Variants in LRCH2 observed in about 807,000 individuals in gnomAD.
LRCH2 encodes the protein leucine rich repeats and calponin homology domain containing 2.
In LRCH2, 38 loss-of-function variants were observed where a neutral mutation model predicts 68.9. That is an observed-to-expected ratio of 0.55 (90% CI 0.43 to 0.72). The LOEUF (loss-of-function observed/expected upper bound fraction) is 0.72. LRCH2 is among the 30% of genes least tolerant of loss of function. LRCH2 has a pLI of 0.00. For missense variants in LRCH2, 528 were observed against 572.9 expected (o/e 0.92, Z 0.80); for synonymous variants, 191 against 208.1 (o/e 0.92, Z 0.71).
At chrX:115,198,033 CTTTTTTTT>C (rs55636329) in intron 1 of LRCH2, among the ~76,000 whole-genome samples, 2 of 80,283 alleles carry the variant, frequency 2.5e-5, no homozygotes, top group African/African-American at 9.3e-5. Context: ...AAAGCTTTTT[CTTTTTTTT>C]TTTTTTTGAA....
At chrX:115,120,003 T>C (rs782377016) in intron 20 of LRCH2, among the ~76,000 whole-genome samples, 1 of 110,926 alleles carries the variant, frequency 9.0e-6, no homozygotes, top group East Asian at 2.8e-4. Flanking sequence ...TCCTTACACC[T>C]TATAAAAAAA....
At chrX:115,219,440 G>T (rs2073064083) in intron 1 of LRCH2, among the ~76,000 whole-genome samples, 1 of 110,769 alleles carries the variant, frequency 9.0e-6, no homozygotes, top group African/African-American at 3.3e-5. Context: ...AATCCCATTT[G>T]TTTACATTAA....
Position 115,150,029 on chromosome X carries a change from G to T in LRCH2, c.1571C>A (p.Thr524Asn), listed in dbSNP as rs1556537889. 1 of 1,172,655 alleles carries T rather than the reference G, an allele frequency of 8.5e-7. No homozygotes were observed. Among genetic ancestry groups the T allele is most frequent in the Non-Finnish European group, 1.1e-6 (1 of 873,850 alleles). The change falls in exon 13 of 21, where the codon ACC becomes AAC. Residue 524 changes from threonine (T) to asparagine (N), a missense_variant. By Grantham distance (65) the Thr-to-Asn change is moderately conservative (BLOSUM62 0). Coordinates refer to ENST00000317135, the MANE Select transcript of LRCH2 (RefSeq NM_020871.4). The part of the protein sequence containing the change: ...DEVNSPLSPL[T>N]WQPLENQKDQ... ...AATTTAATTTCTTCTTACCTGCCAGGTGAGGGGTGATAATGGTGAATTAAC... is the reference window on the plus strand; with the variant it reads ...AATTTAATTTCTTCTTACCTGCCAGTTGAGGGGTGATAATGGTGAATTAAC...
In LRCH2 at chrX:115,130,202, GA is replaced by G; in HGVS notation, c.1696-4del. ...GAACTCTTCCTCATTGATTTATACTGAAAAATATTTAAAACACATAATTTAT... is the reference window on the plus strand; with the variant it reads ...GAACTCTTCCTCATTGATTTATACTGAAAATATTTAAAACACATAATTTAT... On this transcript the variant is annotated splice_region_variant and splice_polypyrimidine_tract_variant and intron_variant, in intron 14 of 20. Coordinates refer to ENST00000317135, the MANE Select transcript of LRCH2 (RefSeq NM_020871.4). 2.0e-6 allele frequency: 2 copies of G among 987,328 alleles called. No individual in the cohort carries two copies. The highest frequency in any genetic ancestry group is 2.8e-5 in the Admixed American group (1 of 35,101). The allele number at this position is 987,328 out of a possible 1,213,427, so 81.4% of individuals were successfully genotyped here.
In LRCH2 at chrX:115,165,846, T is replaced by C. The variant is rs2072555254; in HGVS notation, c.1193A>G (p.Gln398Arg). 2 of 1,141,519 alleles carry C rather than the reference T, an allele frequency of 1.8e-6. No individual in the cohort carries two copies. Among genetic ancestry groups the C allele is most frequent in the Non-Finnish European group, 2.3e-6 (2 of 853,505 alleles). The allele number at this position is 1,141,519 out of a possible 1,213,427, so 94.1% of individuals were successfully genotyped here. Reference sequence around the variant, plus strand: ...GCAGGTACCATATGAATTACCTTTCTGAGAATCAGTCTTACTTCCTATTAT... The same window carrying C: ...GCAGGTACCATATGAATTACCTTTCCGAGAATCAGTCTTACTTCCTATTAT... ...SHIIGSKTDS[Q>R]KDQEVYDFVD... Residue 398 changes from glutamine (Q) to arginine (R), a missense_variant, in exon 8 of 21, where the codon CAG becomes CGG. Transcript: ENST00000317135.
At chrX:115,156,522 C>T (rs1201687444) in intron 12 of LRCH2, 80 bp downstream of exon 12, 4 of 547,744 alleles carry the variant, frequency 7.3e-6, no homozygotes, top group African/African-American at 2.5e-5. Context: ...TTAATTAAAG[C>T]CTATATACAA....
At chrX:115,136,799 A>G (rs2072294048) in intron 14 of LRCH2, among the ~76,000 whole-genome samples, 1 of 112,421 alleles carries the variant, frequency 8.9e-6, no homozygotes, top group African/African-American at 3.2e-5. Flanking sequence ...ACTTTATCTT[A>G]TTGGTAATGG....
At chrX:115,153,234 G>A (rs2072447092) in intron 12 of LRCH2, among the ~76,000 whole-genome samples, 1 of 108,571 alleles carries the variant, frequency 9.2e-6, no homozygotes, top group African/African-American at 3.4e-5. Flanking sequence ...AGAGGTGGGA[G>A]GATCACTGGA....
At chrX:115,169,893 C>A (rs1386749850) in intron 6 of LRCH2, among the ~76,000 whole-genome samples, 1 of 110,473 alleles carries the variant, frequency 9.1e-6, no homozygotes, top group Non-Finnish European at 1.9e-5. Context: ...CATCTTTGAT[C>A]CAGACATAAA....
chrX:115,136,193 G>A (rs1184848208), intron 14 of LRCH2, among the ~76,000 whole-genome samples: 3 of 111,494 alleles, frequency 2.7e-5, no homozygotes, highest in Non-Finnish European at 5.6e-5. Flanking sequence ...TCCAAGTAAG[G>A]ACTGGAACAC....
rs782012960 is a variant in LRCH2 at position 115,165,400 on chromosome X, C to A, written c.1355+5G>T. On this transcript the variant is annotated splice_donor_5th_base_variant and intron_variant, in intron 10 of 20. Coordinates refer to ENST00000317135, the MANE Select transcript of LRCH2 (RefSeq NM_020871.4). Reference sequence around the variant, plus strand: ...AAATAACATTTCATTTTCATATGTGCTTACCTTTTTTCATCTCCTAATTCT... The same window carrying A: ...AAATAACATTTCATTTTCATATGTGATTACCTTTTTTCATCTCCTAATTCT... The A allele has an allele frequency of 5.4e-6, 6 of 1,107,766 alleles. No individual in the cohort carries two copies. In the African/African-American group the frequency reaches 1.1e-4, roughly 21 times the overall value. 91.3% of individuals were successfully genotyped at this position (1,107,766 alleles called of 1,213,427 possible).
intron 15 of LRCH2, among the ~76,000 whole-genome samples, chrX:115,127,337 A>T (rs2072208420): frequency 8.9e-6 from 1 of 112,085 alleles, no homozygotes; most frequent in South Asian, 3.7e-4. Flanking sequence ...ATTTAATAAA[A>T]CATTAAATGG....
intron 3 of LRCH2, among the ~76,000 whole-genome samples, chrX:115,182,831 C>CAAAAA (rs1164477909): frequency 3.8e-5 from 1 of 26,257 alleles, no homozygotes; most frequent in Non-Finnish European, 7.3e-5. Context: ...AACTTCGTCT[C>CAAAAA]AAAAAAAAAA....
intron 14 of LRCH2, among the ~76,000 whole-genome samples, chrX:115,136,484 CT>C (rs782475566): frequency 6.9e-4 from 72 of 105,026 alleles, no homozygotes; most frequent in Middle Eastern, 4.8e-3. Context: ...TTATTTTTAC[CT>C]TTTTTTTTTG....
intron 6 of LRCH2, among the ~76,000 whole-genome samples, chrX:115,167,307 C>T (rs1447629651): frequency 9.6e-6 from 1 of 104,045 alleles, no homozygotes; most frequent in Non-Finnish European, 2.0e-5. Context: ...GTATCAGGTA[C>T]TATGCTGAAT....
intron 20 of LRCH2, among the ~76,000 whole-genome samples, chrX:115,119,340 T>A (rs1181902999): frequency 1.2e-4 from 12 of 102,565 alleles, no homozygotes; most frequent in African/African-American, 1.8e-4. Flanking sequence ...ACAAAATCAA[T>A]GTACAAAAAT....
At chrX:115,183,059 C>T (rs782707609) in intron 3 of LRCH2, among the ~76,000 whole-genome samples, 11 of 108,465 alleles carry the variant, frequency 1.0e-4, no homozygotes, top group African/African-American at 2.7e-4. Context: ...CGCATGCACA[C>T]GCACGCACAC....
chrX:115,163,337 GCA>G (rs1298492155), intron 11 of LRCH2, among the ~76,000 whole-genome samples: 1 of 111,249 alleles, frequency 9.0e-6, no homozygotes, highest in African/African-American at 3.3e-5. Flanking sequence ...TTATGATTCA[GCA>G]CACACACAGG....
intron 5 of LRCH2, among the ~76,000 whole-genome samples, chrX:115,176,131 T>C (rs2072644901): frequency 8.9e-6 from 1 of 112,289 alleles, no homozygotes; most frequent in East Asian, 2.8e-4. Context: ...TATTGAGAAT[T>C]AAAATAGAAA....
Sources: gnomAD v4.1 joint callset for allele counts (sites outside exome capture counted in the v4.1 genomes callset) on GRCh38, gnomAD v4.1.1 for gene constraint, MANE v1.5 for transcripts, NCBI Gene and HGNC (gene_info 2026-07-23, HGNC 2026-07-21) for gene names.